Variants in CYP2C19 observed in about 807,000 individuals in gnomAD.
CYP2C19 encodes cytochrome P450 2C19.
A neutral mutation model predicts 40.9 loss-of-function variants in CYP2C19; 59 were observed. That is an observed-to-expected ratio of 1.44 (90% CI 1.17 to 1.79). CYP2C19 has a LOEUF of 1.79. Ranked by LOEUF, CYP2C19 falls within the 40% of genes most tolerant of loss-of-function variation. The pLI is 0.00. For synonymous variants in CYP2C19, 253 were observed against 208.7 expected (o/e 1.21, Z -1.83); for missense variants, 754 against 596.9 (o/e 1.26, Z -2.74).
chr10:94,782,750 C>A (rs1848495568), intron 5 of CYP2C19, among the ~76,000 whole-genome samples: 1 of 152,058 alleles, frequency 6.6e-6, no homozygotes, highest in African/African-American at 2.4e-5. Context: ...GAAAATGTGG[C>A]ACATATACAC....
rs564252647 is a variant in CYP2C19, at chr10:94,820,900, A to G, written c.961+263A>G. 2.0e-5 allele frequency among the ~76,000 whole-genome samples: 3 copies of G among 152,232 alleles called. No individual in the cohort carries two copies. In the East Asian group the frequency reaches 5.8e-4, roughly 29 times the overall value. ...GGAGTTCAAGACCAGCCTGGCCAATATGGCCAAGCCCCATCTCTACTAAAA... is the reference window on the plus strand; with the variant it reads ...GGAGTTCAAGACCAGCCTGGCCAATGTGGCCAAGCCCCATCTCTACTAAAA... On this transcript the variant is annotated intron_variant, in intron 6 of 8. Transcript: ENST00000371321.
At chr10:94,840,879 C>G (rs778390164) in intron 6 of CYP2C19, among the ~76,000 whole-genome samples, 1 of 152,208 alleles carries the variant, frequency 6.6e-6, no homozygotes, top group African/African-American at 2.4e-5. Context: ...GGTGGCCACG[C>G]TAATCATTTT....
At chr10:94,792,468 A>G (rs375756701) in intron 5 of CYP2C19, among the ~76,000 whole-genome samples, 50 of 152,124 alleles carry the variant, frequency 3.3e-4, no homozygotes, top group African/African-American at 1.1e-3. Context: ...TTACAATTTG[A>G]CACTTTTTTA....
At chr10:94,829,947 G>A (rs952696267) in intron 6 of CYP2C19, among the ~76,000 whole-genome samples, 2 of 152,312 alleles carry the variant, frequency 1.3e-5, no homozygotes, top group African/African-American at 2.4e-5. Context: ...GCTGGGGATT[G>A]CCTCCCAGTT....
At chr10:94,769,132 C>T (rs529148670) in intron 1 of CYP2C19, among the ~76,000 whole-genome samples, 4 of 152,286 alleles carry the variant, frequency 2.6e-5, no homozygotes, top group Admixed American at 6.5e-5. Flanking sequence ...AGATATTTGA[C>T]CTGCTGTAGG....
intron 5 of CYP2C19, among the ~76,000 whole-genome samples, chr10:94,801,144 C>T (rs1401307593): frequency 6.6e-6 from 1 of 152,160 alleles, no homozygotes; most frequent in Non-Finnish European, 1.5e-5. Context: ...CCTATTTGGC[C>T]ATCTTGCCAC....
At chr10:94,810,316 T>G (rs1489267507) in intron 5 of CYP2C19, among the ~76,000 whole-genome samples, 1 of 152,222 alleles carries the variant, frequency 6.6e-6, no homozygotes, top group African/African-American at 2.4e-5. Context: ...CGCATGGATG[T>G]TCATCACGGA....
At chr10:94,848,856 A>C (rs377657336) in intron 7 of CYP2C19, among the ~76,000 whole-genome samples, 2 of 152,126 alleles carry the variant, frequency 1.3e-5, no homozygotes, top group Non-Finnish European at 2.9e-5. Flanking sequence ...ATGGAAGTTC[A>C]CTCATGATTT....
chr10:94,847,630 C>G (rs1589378410), intron 7 of CYP2C19, among the ~76,000 whole-genome samples: 1 of 152,146 alleles, frequency 6.6e-6, no homozygotes, highest in Non-Finnish European at 1.5e-5. Context: ...ATTTCTAGTT[C>G]TAGACCCCTG....
intron 5 of CYP2C19, among the ~76,000 whole-genome samples, chr10:94,785,058 T>C (rs75374791): frequency 0.068 from 10,383 of 152,222 alleles, 410 homozygotes; most frequent in South Asian, 0.12. Context: ...GTTTATGTTT[T>C]CAAAACATTA....
intron 6 of CYP2C19, among the ~76,000 whole-genome samples, chr10:94,840,832 C>T (rs1849483823): frequency 6.6e-6 from 1 of 152,186 alleles, no homozygotes; most frequent in Non-Finnish European, 1.5e-5. Flanking sequence ...GTTAGAAAGC[C>T]CTTCCCCAGA....
intron 5 of CYP2C19, among the ~76,000 whole-genome samples, chr10:94,794,488 C>T (rs1848654847): frequency 6.6e-6 from 1 of 152,130 alleles, no homozygotes; most frequent in Non-Finnish European, 1.5e-5. Flanking sequence ...ACCTTGGAAC[C>T]TCCCAGTATG....
chr10:94,790,257 G>A (rs752927529), intron 5 of CYP2C19, among the ~76,000 whole-genome samples: 20 of 151,986 alleles, frequency 1.3e-4, no homozygotes, highest in Non-Finnish European at 1.2e-4. Context: ...GAGACAATGG[G>A]GATTTCCTAA....
chr10:94,839,252 C>CT (rs1444811997), intron 6 of CYP2C19, among the ~76,000 whole-genome samples: 30 of 152,092 alleles, frequency 2.0e-4, no homozygotes, highest in African/African-American at 6.8e-4. Flanking sequence ...CTGCTGGATT[C>CT]TAGTGGTCCT....
At chr10:94,830,435 C>A (rs866811538) in intron 6 of CYP2C19, among the ~76,000 whole-genome samples, 1 of 152,338 alleles carries the variant, frequency 6.6e-6, no homozygotes, top group African/African-American at 2.4e-5. Context: ...CCGTCTGTCA[C>A]CCCTTTCTTT....
At chr10:94,782,209 T>C (rs943554994) in intron 5 of CYP2C19, among the ~76,000 whole-genome samples, 1 of 152,156 alleles carries the variant, frequency 6.6e-6, no homozygotes, top group Non-Finnish European at 1.5e-5. Flanking sequence ...AGAAATTGTT[T>C]AGATAAATAT....
intron 5 of CYP2C19, among the ~76,000 whole-genome samples, chr10:94,785,559 A>T (rs1848530102): frequency 6.6e-6 from 1 of 152,144 alleles, no homozygotes; most frequent in Non-Finnish European, 1.5e-5. Context: ...TTTGATTATT[A>T]TACTTTGTAG....
chr10:94,808,397 T>C (rs917696885), intron 5 of CYP2C19, among the ~76,000 whole-genome samples: 5 of 152,184 alleles, frequency 3.3e-5, no homozygotes, highest in African/African-American at 1.2e-4. Flanking sequence ...AGATGGTTTA[T>C]CTATCCTCTC....
chr10:94,787,779 C>T (rs188260409), intron 5 of CYP2C19, among the ~76,000 whole-genome samples: 15 of 152,106 alleles, frequency 9.9e-5, no homozygotes, highest in Admixed American at 9.8e-4. Context: ...TTTTTGTCAA[C>T]TTTGTTGAAG....
Sources: gnomAD v4.1 joint callset for allele counts (sites outside exome capture counted in the v4.1 genomes callset) on GRCh38, gnomAD v4.1.1 for gene constraint, MANE v1.5 for transcripts, NCBI Gene and HGNC (gene_info 2026-07-23, HGNC 2026-07-21) for gene names.